DTL: variants seen among roughly 807,000 people sequenced by gnomAD.
DTL encodes the protein denticleless E3 ubiquitin protein ligase adapter, also known as denticleless protein homolog.
DTL carries 46 observed loss-of-function variants against 87.0 expected under a neutral mutation model. The ratio of observed to expected loss-of-function variants is 0.53; its 90% confidence interval spans 0.42 to 0.68. DTL has a LOEUF of 0.68. DTL is among the 30% of genes least tolerant of loss of function. The probability of loss-of-function intolerance (pLI) is 0.00; values close to 1 mark genes in which losing one functional copy is unlikely to be tolerated. For synonymous variants in DTL, 308 were observed against 311.2 expected, an observed-to-expected ratio of 0.99 and a Z score of 0.11; for missense variants, 737 against 869.4, an observed-to-expected ratio of 0.85 and a Z score of 1.91.
At position 212,072,205 on chromosome 1, in the gene DTL, A is replaced by G. The variant is rs140344470; in HGVS notation, c.1027A>G (p.Ile343Val). The G allele has an allele frequency of 1.8e-5, 29 of 1,612,432 alleles. No homozygotes were observed. Among genetic ancestry groups the G allele is most frequent in the Non-Finnish European group, 2.3e-5 (27 of 1,178,602 alleles). ...TGGCTCAAGTGATGAAGCTGCCTAC[A>G]TATGGAAGGTAAGTTGCTAAACTTC... is the stretch of plus-strand genomic sequence containing the variant. ...VSGSSDEAAY[I>V]WKVSTPWQPP... Residue 343 changes from isoleucine (I) to valine (V), a missense_variant, in exon 11 of 15, where the codon ATA (isoleucine) becomes GTA (valine). By Grantham distance (29) the Ile-to-Val change is conservative (BLOSUM62 3). Coordinates refer to ENST00000366991, the MANE Select transcript of DTL (RefSeq NM_016448.4).
In DTL at chr1:212,083,012, A is replaced by G. The variant is rs531184157; in HGVS notation, c.1261+2262A>G. 2.0e-5 allele frequency among the ~76,000 whole-genome samples: 3 copies of G among 152,318 alleles called. No homozygotes were observed. In the East Asian group the frequency reaches 5.8e-4, roughly 29 times the overall value. On this transcript the variant is annotated intron_variant, in intron 13 of 14. Coordinates refer to ENST00000366991, the MANE Select transcript of DTL (RefSeq NM_016448.4). ...GAAGTTGACAGTGGATGCAAAGAGGATGATTATGACTATAAGATATAACCT... is the reference window on the plus strand; with the variant it reads ...GAAGTTGACAGTGGATGCAAAGAGGGTGATTATGACTATAAGATATAACCT...
intron 5 of DTL, among the ~76,000 whole-genome samples, chr1:212,062,478 T>C (rs1654357220): frequency 6.6e-6 from 1 of 152,184 alleles, no homozygotes; most frequent in African/African-American, 2.4e-5. Flanking sequence ...ACAAGTTACT[T>C]ATCCTCTCTG....
chr1:212,093,849 G>T (rs1280401842), intron 13 of DTL, among the ~76,000 whole-genome samples: 3 of 152,150 alleles, frequency 2.0e-5, no homozygotes. Context: ...CCTCACCTAG[G>T]TCTGTGGGGA....
chr1:212,102,936 T>TA lies in DTL; in HGVS notation c.2190dup (p.Ter731IlefsTer26). On this transcript the variant is annotated frameshift_variant, in exon 15 of 15. Coordinates refer to ENST00000366991, the MANE Select transcript of DTL (RefSeq NM_016448.4). LOFTEE classifies it high-confidence loss of function. The stretch of plus-strand genomic sequence containing the variant: ...TGTGGTCCTGAACACTCAACAGAAT[T>TA]ATAGATTCTAATCTGAGTGAGTTAC... 1 of 1,568,516 alleles carries TA rather than the reference T, an allele frequency of 6.4e-7. No individual in the cohort carries two copies. The highest frequency in any genetic ancestry group is 8.8e-7 in the Non-Finnish European group (1 of 1,140,758).
chr1:212,051,029 C>T (rs1667955170), intron 5 of DTL, among the ~76,000 whole-genome samples: 1 of 151,950 alleles, frequency 6.6e-6, no homozygotes, highest in African/African-American at 2.4e-5. Context: ...TCTCTTTATT[C>T]TTTCATAGTT....
At chr1:212,074,656 A>G (rs1654775863) in intron 11 of DTL, among the ~76,000 whole-genome samples, 1 of 152,184 alleles carries the variant, frequency 6.6e-6, no homozygotes, top group African/African-American at 2.4e-5. Context: ...CCATGATTAA[A>G]AAAAGGAGGA....
Position 212,089,957 on chromosome 1 carries a change from T to C in DTL, c.1261+9207T>C, listed in dbSNP as rs75970199. Among the ~76,000 whole-genome samples the C allele has an allele frequency of 5.4e-3, 822 of 152,300 alleles. 4 individuals carry two copies. Among genetic ancestry groups the C allele is most frequent in the African/African-American group, 0.019 (779 of 41,556 alleles). Reference sequence around the variant, plus strand: ...AAATGTACACTTTGACCCACTTAAATGGAACAGATGACTGTGGCAGCTGTG... The same window carrying C: ...AAATGTACACTTTGACCCACTTAAACGGAACAGATGACTGTGGCAGCTGTG... On this transcript the variant is annotated intron_variant, in intron 13 of 14. Coordinates refer to ENST00000366991, the MANE Select transcript of DTL (RefSeq NM_016448.4).
intron 13 of DTL, among the ~76,000 whole-genome samples, chr1:212,084,556 A>G (rs1222047754): frequency 6.6e-6 from 1 of 152,202 alleles, no homozygotes; most frequent in East Asian, 1.9e-4. Context: ...AGTGAATAAG[A>G]TAAATAGCAG....
At chr1:212,063,115 GTGAT>G in intron 6 of DTL, among the ~76,000 whole-genome samples, 166 bp downstream of exon 6, 1 of 152,210 alleles carries the variant, frequency 6.6e-6, no homozygotes, top group Non-Finnish European at 1.5e-5. Flanking sequence ...AGTGTCCTGA[GTGAT>G]AAATACATGA....
rs761570867 is a variant in DTL at position 212,043,122 on chromosome 1, A to C, written c.178+4A>C. 6.2e-7 allele frequency: 1 copy of C among 1,609,740 alleles called. No homozygotes were observed. Among genetic ancestry groups the C allele is most frequent in the Non-Finnish European group, 8.5e-7 (1 of 1,178,384 alleles). On this transcript the variant is annotated splice_donor_region_variant and intron_variant, in intron 2 of 14. Transcript: ENST00000366991. ...TTTGGATGTACCTTCTCTTCTGGTA[A>C]GAGAATTACTATCTAGGCAAGGCTT...
intron 13 of DTL, among the ~76,000 whole-genome samples, chr1:212,087,903 G>A (rs550674517): frequency 2.6e-5 from 4 of 152,076 alleles, no homozygotes; most frequent in Non-Finnish European, 5.9e-5. Context: ...TAATTGGAAG[G>A]GTTTAAGTGC....
intron 5 of DTL, among the ~76,000 whole-genome samples, chr1:212,054,685 C>T (rs183984606): frequency 3.1e-4 from 47 of 151,188 alleles, no homozygotes; most frequent in African/African-American, 1.1e-3. Context: ...ATCCCAGCTA[C>T]TCGGGAGGCT....
At position 212,057,322 on chromosome 1, in the gene DTL, T is replaced by C. The variant is rs1270685868; in HGVS notation, c.461-5562T>C. Reference sequence around the variant, plus strand: ...GATTTCTCAGCAGAAATCTTATAGTTCAGGAGAGAATGAGATGATATATTC... The same window carrying C: ...GATTTCTCAGCAGAAATCTTATAGTCCAGGAGAGAATGAGATGATATATTC... On this transcript the variant is annotated intron_variant, in intron 5 of 14. Coordinates refer to ENST00000366991, the MANE Select transcript of DTL (RefSeq NM_016448.4). Among the ~76,000 whole-genome samples the C allele has an allele frequency of 8.0e-5, 12 of 150,682 alleles. No homozygotes were observed. In the East Asian group the frequency reaches 2.1e-3, roughly 27 times the overall value.
intron 11 of DTL, among the ~76,000 whole-genome samples, chr1:212,074,454 C>T (rs1300400802): frequency 6.6e-6 from 1 of 152,078 alleles, no homozygotes; most frequent in Non-Finnish European, 1.5e-5. Flanking sequence ...CAGTGTCTAC[C>T]ACATACAAGG....
chr1:212,043,173 T>TA, intron 2 of DTL, 55 bp downstream of exon 2: 1 of 1,534,510 alleles, frequency 6.5e-7, no homozygotes, highest in Admixed American at 2.0e-5. Flanking sequence ...ATTTCACACT[T>TA]ATAGGGAAAA....
intron 13 of DTL, among the ~76,000 whole-genome samples, chr1:212,085,236 C>T (rs1655094554): frequency 6.6e-6 from 1 of 152,184 alleles, no homozygotes; most frequent in South Asian, 2.1e-4. Flanking sequence ...GTCATTAATA[C>T]AATCTAATTC....
At chr1:212,078,027 T>G (rs764275822) in intron 11 of DTL, 146 bp from the exon 12 acceptor site, 72 of 356,332 alleles carry the variant, frequency 2.0e-4, no homozygotes, top group South Asian at 1.7e-3. Context: ...AATCTGTTGT[T>G]TTTTTTTTCC....
chr1:212,049,169 C>T (rs1034575635), intron 5 of DTL, among the ~76,000 whole-genome samples: 1 of 152,126 alleles, frequency 6.6e-6, no homozygotes, highest in Non-Finnish European at 1.5e-5. Flanking sequence ...GTGATCTGCC[C>T]GCATTGGCTT....
At chr1:212,063,053 A>T (rs973372308) in intron 6 of DTL, 104 bp downstream of exon 6, 2 of 847,438 alleles carry the variant, frequency 2.4e-6, no homozygotes, top group African/African-American at 3.4e-5. Context: ...GGGGGCATGT[A>T]CTCATAATTT....
Sources: allele counts gnomAD v4.1 joint callset (sites outside exome capture counted in the v4.1 genomes callset), GRCh38; gene constraint gnomAD v4.1.1; transcripts MANE v1.5; gene names NCBI Gene and HGNC (gene_info 2026-07-23, HGNC 2026-07-21).